Variants in LRP5 observed in about 807,000 individuals in gnomAD.
The protein encoded by LRP5 is low-density lipoprotein receptor-related protein 5.
A neutral mutation model predicts 154.1 loss-of-function variants in LRP5; 62 were observed. That is an observed-to-expected ratio of 0.40 (90% CI 0.33 to 0.50). The LOEUF (loss-of-function observed/expected upper bound fraction) is 0.50, where lower values mean the gene tolerates loss of function less well. LRP5 is among the 20% of genes least tolerant of loss of function. LRP5 has a pLI of 0.55. For missense variants in LRP5, 1,915 were observed against 2,336.7 expected, an observed-to-expected ratio of 0.82 and a Z score of 3.72; for synonymous variants, 966 against 1,011.5, an observed-to-expected ratio of 0.96 and a Z score of 0.85.
chr11:68,327,447 T>C (rs2098600361), intron 1 of LRP5, among the ~76,000 whole-genome samples: 1 of 152,226 alleles, frequency 6.6e-6, no homozygotes, highest in Non-Finnish European at 1.5e-5. Flanking sequence ...GCTCCTGTGC[T>C]TGACCCTTTT....
At position 68,395,300 on chromosome 11, in the gene LRP5, CA is replaced by C. The variant is rs1239981628; in HGVS notation, c.1584+5266del. ...TGGGCCACAGAGTGAGACTCCATCTCAAAAAAAAAAAAAAAAAAGATAAAAA... is the reference window on the plus strand; with the variant it reads ...TGGGCCACAGAGTGAGACTCCATCTCAAAAAAAAAAAAAAAAAGATAAAAA... On this transcript the variant is annotated intron_variant, in intron 7 of 22. Coordinates refer to ENST00000294304, the MANE Select transcript of LRP5 (RefSeq NM_002335.4). 8.8e-3 allele frequency among the ~76,000 whole-genome samples: 670 copies of C among 75,832 alleles called. 8 individuals are homozygous for C. The highest frequency in any genetic ancestry group is 0.023 in the African/African-American group (480 of 20,726). The allele number at this position is 75,832 out of a possible 152,430, so 49.7% of individuals were successfully genotyped here. A position where few individuals can be genotyped will look rare whatever the true frequency, so the allele number is the denominator to read the frequency against.
At chr11:68,305,633 G>A in the LRP5 span, among the ~76,000 whole-genome samples, 1 of 152,028 alleles carries the variant, frequency 6.6e-6, no homozygotes, top group Non-Finnish European at 1.5e-5. Flanking sequence ...AGTAGAAATG[G>A]GGTTTCACCA....
chr11:68,330,263 G>A (rs1565321248), intron 1 of LRP5, among the ~76,000 whole-genome samples: 2 of 151,874 alleles, frequency 1.3e-5, no homozygotes, highest in African/African-American at 4.8e-5. Flanking sequence ...CACATGCGCG[G>A]CCACTGCAAT....
intron 5 of LRP5, among the ~76,000 whole-genome samples, chr11:68,370,691 C>G (rs1227246971): frequency 6.6e-6 from 1 of 152,234 alleles, no homozygotes; most frequent in Non-Finnish European, 1.5e-5. Context: ...TTGCCCTCAG[C>G]CGTGAGAGGC....
intron 1 of LRP5, among the ~76,000 whole-genome samples, chr11:68,313,209 C>T (rs1054871955): frequency 1.3e-4 from 19 of 151,358 alleles, no homozygotes; most frequent in African/African-American, 4.6e-4. Flanking sequence ...GTTCGCAAGC[C>T]TGTTTCCAGC....
At chr11:68,378,936 A>G (rs551243064) in intron 5 of LRP5, among the ~76,000 whole-genome samples, 1 of 151,426 alleles carries the variant, frequency 6.6e-6, no homozygotes, top group African/African-American at 2.4e-5. Context: ...AATCCCAGCT[A>G]CTCCGGAGGC....
intron 5 of LRP5, among the ~76,000 whole-genome samples, chr11:68,374,492 G>A (rs1233459328): frequency 6.6e-6 from 1 of 152,230 alleles, no homozygotes; most frequent in African/African-American, 2.4e-5. Context: ...AGGAAGTTGT[G>A]GAAGAAGCCT....
chr11:68,354,489 CT>C (rs1397539831), intron 2 of LRP5, among the ~76,000 whole-genome samples: 1 of 152,236 alleles, frequency 6.6e-6, no homozygotes, highest in African/African-American at 2.4e-5. Context: ...ACTGATGCCC[CT>C]GATACCTTCT....
At chr11:68,406,941 T>G in intron 9 of LRP5, 128 bp downstream of exon 9, 1 of 938,946 alleles carries the variant, frequency 1.1e-6, no homozygotes, top group South Asian at 1.5e-5. Context: ...TTCAAGCTAA[T>G]CAAATATGAG....
intron 2 of LRP5, among the ~76,000 whole-genome samples, chr11:68,357,119 T>C (rs1473608621): frequency 6.6e-6 from 1 of 152,092 alleles, no homozygotes; most frequent in Non-Finnish European, 1.5e-5. Flanking sequence ...GTATTTTTAG[T>C]AGGGACGGGG....
intron 1 of LRP5, among the ~76,000 whole-genome samples, chr11:68,333,816 T>C (rs994567779): frequency 5.3e-5 from 8 of 152,176 alleles, no homozygotes; most frequent in African/African-American, 1.7e-4. Flanking sequence ...TGTTCACGGA[T>C]AGGAAGACAG....
At chr11:68,313,909 C>T (rs893136477) in intron 1 of LRP5, among the ~76,000 whole-genome samples, 5 of 152,184 alleles carry the variant, frequency 3.3e-5, no homozygotes, top group African/African-American at 1.2e-4. Flanking sequence ...CAGGCTGCAG[C>T]CTCTGCTTGG....
chr11:68,402,875 A>G (rs2098653377), intron 7 of LRP5, among the ~76,000 whole-genome samples: 1 of 152,138 alleles, frequency 6.6e-6, no homozygotes, highest in South Asian at 2.1e-4. Flanking sequence ...ATCCCAGCAC[A>G]GGTAGGGGGT....
At chr11:68,301,713 C>G in the LRP5 span, among the ~76,000 whole-genome samples, 5 of 139,042 alleles carry the variant, frequency 3.6e-5, no homozygotes, top group African/African-American at 1.3e-4. Flanking sequence ...AGCTCCACCT[C>G]CCAGGTTCAC....
At chr11:68,319,013 T>C (rs1238939870) in intron 1 of LRP5, among the ~76,000 whole-genome samples, 1 of 150,764 alleles carries the variant, frequency 6.6e-6, no homozygotes, top group Non-Finnish European at 1.5e-5. Flanking sequence ...AGATTGGGGG[T>C]GCCCCCAGAA....
At chr11:68,422,477 G>C (rs599301) in intron 13 of LRP5, among the ~76,000 whole-genome samples, 57,129 of 151,982 alleles carry the variant, frequency 0.38, 12,443 homozygotes, top group African/African-American at 0.59. Flanking sequence ...CCAGATCCCC[G>C]CAGGCAGTAG....
intron 2 of LRP5, 97 bp downstream of exon 2, chr11:68,348,340 G>T (rs2098615242): frequency 2.0e-6 from 3 of 1,513,158 alleles, no homozygotes; most frequent in Admixed American, 3.5e-5. Flanking sequence ...TTCAGAAAAA[G>T]GGTGTGACTC....
At chr11:68,360,959 T>C (rs188444293) in intron 3 of LRP5, among the ~76,000 whole-genome samples, 4,012 of 113,428 alleles carry the variant, frequency 0.035, 157 homozygotes, top group African/African-American at 0.13. Flanking sequence ...ATCCCGCCAC[T>C]GCACTCCAGC....
chr11:68,322,104 C>A (rs1045389096), intron 1 of LRP5, among the ~76,000 whole-genome samples: 1 of 152,256 alleles, frequency 6.6e-6, no homozygotes, highest in African/African-American at 2.4e-5. Flanking sequence ...AGCGAACTTG[C>A]TTCCCAAAAG....
Sources: allele counts gnomAD v4.1 joint callset (sites outside exome capture counted in the v4.1 genomes callset), GRCh38; gene constraint gnomAD v4.1.1; transcripts MANE v1.5; gene names NCBI Gene and HGNC (gene_info 2026-07-23, HGNC 2026-07-21).